ADAMTSL1: variants seen among roughly 807,000 people sequenced by gnomAD.
ADAMTSL1 encodes the protein ADAMTS-like protein 1.
Under a neutral mutation model 201.8 loss-of-function variants are expected in ADAMTSL1, and 126 were observed. The observed-to-expected ratio is 0.62, with a 90% CI of 0.54 to 0.72. The LOEUF is 0.72. ADAMTSL1 is among the 30% of genes least tolerant of loss of function. The pLI, the probability that ADAMTSL1 is intolerant of heterozygous loss-of-function variation, is 0.00. For synonymous variants in ADAMTSL1, 1,121 were observed against 903.4 expected (o/e 1.24, Z -4.32); for missense variants, 2,679 against 2,277.8 (o/e 1.18, Z -3.59).
chr9:18,369,096 C>G (rs1836919514), intron 2 of ADAMTSL1, among the ~76,000 whole-genome samples: 1 of 152,106 alleles, frequency 6.6e-6, no homozygotes, highest in Admixed American at 6.6e-5. Context: ...GATCTATTAA[C>G]TATAGTTTAT....
chr9:18,468,927 C>T (rs1361004925), intron 2 of ADAMTSL1, among the ~76,000 whole-genome samples: 1 of 152,170 alleles, frequency 6.6e-6, no homozygotes, highest in Non-Finnish European at 1.5e-5. Context: ...AAGCAACATG[C>T]TATGCTAGAC....
intron 2 of ADAMTSL1, among the ~76,000 whole-genome samples, chr9:18,258,749 A>T (rs1442570827): frequency 6.6e-6 from 1 of 152,110 alleles, no homozygotes; most frequent in Non-Finnish European, 1.5e-5. Flanking sequence ...AAGCCTGCAA[A>T]TTCTGCCTGG....
intron 1 of ADAMTSL1, among the ~76,000 whole-genome samples, chr9:18,162,752 A>C (rs1040224667): frequency 6.6e-6 from 1 of 152,050 alleles, no homozygotes; most frequent in Non-Finnish European, 1.5e-5. Context: ...AAAAGGTATA[A>C]AATGCAAAAT....
intron 2 of ADAMTSL1, among the ~76,000 whole-genome samples, chr9:18,406,449 C>T (rs1818211856): frequency 6.6e-6 from 1 of 152,062 alleles, no homozygotes; most frequent in South Asian, 2.1e-4. Context: ...CTGCCTCAGC[C>T]TCCCACGTAG....
At chr9:17,940,060 G>C (rs993515272) in intron 1 of ADAMTSL1, among the ~76,000 whole-genome samples, 2 of 152,040 alleles carry the variant, frequency 1.3e-5, no homozygotes, top group Admixed American at 1.3e-4. Flanking sequence ...CAATAGGTGT[G>C]GTTAGAATGT....
chr9:18,271,490 A>G (rs1382357414), intron 2 of ADAMTSL1, among the ~76,000 whole-genome samples: 9 of 152,080 alleles, frequency 5.9e-5, no homozygotes, highest in African/African-American at 2.2e-4. Context: ...CCATGTCCCT[A>G]CAAAGGACAT....
At chr9:18,519,760 C>T (rs899077695) in intron 2 of ADAMTSL1, among the ~76,000 whole-genome samples, 4 of 152,178 alleles carry the variant, frequency 2.6e-5, no homozygotes, top group African/African-American at 7.2e-5. Context: ...CTGCCCAGGA[C>T]TCACTTTCCG....
chr9:18,272,572 TTC>T lies in ADAMTSL1; in HGVS notation c.207+108595_207+108596del, dbSNP rs545964139. Among the ~76,000 whole-genome samples, 5 of 152,320 alleles carry T rather than the reference TTC, an allele frequency of 3.3e-5. No individual in the cohort carries two copies. In the East Asian group the frequency reaches 9.6e-4, roughly 29 times the overall value. On this transcript the variant is annotated intron_variant, in intron 2 of 29. Transcript: ENST00000680146. ...GCAATGAAATCAGATCTTTTTCCTATTCTCTGTTTTTGTTGAAATTTTTGGAT... is the reference window on the plus strand; with the variant it reads ...GCAATGAAATCAGATCTTTTTCCTATTCTGTTTTTGTTGAAATTTTTGGAT...
intron 2 of ADAMTSL1, among the ~76,000 whole-genome samples, chr9:18,317,536 A>T (rs1277360395): frequency 6.6e-6 from 1 of 152,116 alleles, no homozygotes; most frequent in Admixed American, 6.5e-5. Flanking sequence ...TACACCTTGG[A>T]TATATATAAT....
chr9:18,089,314 A>G lies in ADAMTSL1; in HGVS notation c.88-74548A>G, dbSNP rs146933954. 1.3e-4 allele frequency among the ~76,000 whole-genome samples: 20 copies of G among 152,324 alleles called. No homozygotes were observed. The East Asian group carries it at 3.9e-3, about 29-fold the overall frequency. On this transcript the variant is annotated intron_variant, in intron 1 of 29. Coordinates refer to the ADAMTSL1 transcript ENST00000680146. Reference sequence around the variant, plus strand: ...AAAAGGATGAGCTCATGTCCTTTGCAGGAACATGGATGAAGCTGGGAACCA... The same window carrying G: ...AAAAGGATGAGCTCATGTCCTTTGCGGGAACATGGATGAAGCTGGGAACCA...
intron 2 of ADAMTSL1, among the ~76,000 whole-genome samples, chr9:18,196,210 A>C (rs1829171849): frequency 6.6e-6 from 1 of 152,070 alleles, no homozygotes; most frequent in African/African-American, 2.4e-5. Context: ...CTCCTAAACA[A>C]ACTGCTAAGA....
intron 2 of ADAMTSL1, among the ~76,000 whole-genome samples, chr9:18,285,878 T>C (rs1478665624): frequency 6.6e-6 from 1 of 152,196 alleles, no homozygotes; most frequent in Non-Finnish European, 1.5e-5. Flanking sequence ...CTCACCCATT[T>C]AAAGTGTGCA....
chr9:18,518,064 G>A (rs1214045643), intron 2 of ADAMTSL1, among the ~76,000 whole-genome samples: 1 of 151,864 alleles, frequency 6.6e-6, no homozygotes, highest in Non-Finnish European at 1.5e-5. Context: ...AGCACTAACA[G>A]TACACCAAGC....
intron 1 of ADAMTSL1, among the ~76,000 whole-genome samples, chr9:18,132,104 A>C (rs1173034778): frequency 1.3e-5 from 2 of 152,064 alleles, no homozygotes; most frequent in Admixed American, 1.3e-4. Context: ...CAGCCCAGAA[A>C]CACAAAATGT....
intron 2 of ADAMTSL1, among the ~76,000 whole-genome samples, chr9:18,462,312 A>G (rs556678187): frequency 1.3e-5 from 2 of 152,328 alleles, no homozygotes; most frequent in African/African-American, 4.8e-5. Context: ...TATTCCTTCA[A>G]CGAATACTTG....
At chr9:18,897,239 C>T (rs927481829) in intron 26 of ADAMTSL1, among the ~76,000 whole-genome samples, 3 of 152,200 alleles carry the variant, frequency 2.0e-5, no homozygotes, top group African/African-American at 7.2e-5. Flanking sequence ...ACAGAGCCCC[C>T]GGGGGAAGGG....
chr9:18,881,931 A>G (rs934475), intron 23 of ADAMTSL1, among the ~76,000 whole-genome samples: 139,198 of 152,242 alleles, frequency 0.91, 63,808 homozygotes, highest in African/African-American at 0.98. Context: ...CCTGGGAACA[A>G]GACCAAGACC....
intron 23 of ADAMTSL1, among the ~76,000 whole-genome samples, chr9:18,863,431 G>A (rs1827327132): frequency 6.6e-6 from 1 of 152,198 alleles, no homozygotes; most frequent in African/African-American, 2.4e-5. Flanking sequence ...AATGGGCTTG[G>A]ATAGTTTTAT....
intron 2 of ADAMTSL1, among the ~76,000 whole-genome samples, chr9:18,368,301 T>G (rs573391501): frequency 6.6e-6 from 1 of 152,242 alleles, no homozygotes; most frequent in South Asian, 2.1e-4. Flanking sequence ...CTACACGACT[T>G]TCACCATGAG....
Sources: gnomAD v4.1 joint callset for allele counts (sites outside exome capture counted in the v4.1 genomes callset) on GRCh38, gnomAD v4.1.1 for gene constraint, MANE v1.5 for transcripts, NCBI Gene and HGNC (gene_info 2026-07-23, HGNC 2026-07-21) for gene names.